ITGA5: variants seen among roughly 807,000 people sequenced by gnomAD.
ITGA5 encodes integrin subunit alpha 5.
Under a neutral mutation model 146.3 loss-of-function variants are expected in ITGA5, and 55 were observed. The ratio of observed to expected loss-of-function variants is 0.38; its 90% CI spans 0.30 to 0.47. The LOEUF (loss-of-function observed/expected upper bound fraction) is 0.47. Ranked by LOEUF, ITGA5 falls within the 20% of genes least tolerant of loss-of-function variation. ITGA5 has a pLI of 0.99. For synonymous variants in ITGA5, 500 were observed against 531.8 expected, an observed-to-expected ratio of 0.94 and a Z score of 0.82; for missense variants, 1,131 against 1,329.0, an observed-to-expected ratio of 0.85 and a Z score of 2.32.
At chr12:54,418,328 C>T in intron 1 of ITGA5, among the ~76,000 whole-genome samples, 1 of 151,920 alleles carries the variant, frequency 6.6e-6, no homozygotes, top group Non-Finnish European at 1.5e-5. Flanking sequence ...CTCGGATCCC[C>T]TCGCCTGAAC....
Position 54,403,452 on chromosome 12 carries a change from G to T in ITGA5, c.1777-128C>A. On this transcript the variant is annotated intron_variant, in intron 17 of 29. Coordinates refer to ENST00000293379, the MANE Select transcript of ITGA5 (RefSeq NM_002205.5). The surrounding 1 kb of genome is among the most constrained non-coding windows in gnomAD (Gnocchi z 4.9). ...TCCGACCATCCTCATTGTTTCAGAGGCCCTGGCAGCCTGCTTCCCAGCTCC... is the reference window on the plus strand; with the variant it reads ...TCCGACCATCCTCATTGTTTCAGAGTCCCTGGCAGCCTGCTTCCCAGCTCC... The T allele has an allele frequency of 7.7e-7, 1 of 1,293,482 alleles. No individual in the cohort carries two copies. Among genetic ancestry groups the T allele is most frequent in the Non-Finnish European group, 1.1e-6 (1 of 945,298 alleles). The allele number at this position is 1,293,482 out of a possible 1,614,324, so 80.1% of individuals were successfully genotyped here.
chr12:54,419,003 A>G lies in ITGA5; in HGVS notation c.196T>C (p.Phe66Leu), dbSNP rs559182263. Residue 66 changes from phenylalanine to leucine, a missense_variant, in exon 1 of 30, where the codon TTT becomes CTT. Coordinates refer to ENST00000293379, the MANE Select transcript of ITGA5 (RefSeq NM_002205.5). ...PGSFFGFSVE[F>L]YRPGTDGVSV... ...CACCCGTCTGTTCCCGGCCGGTAAA[A>G]CTCCACTGAGAATCCGAAGAAGGAG... 6.2e-7 allele frequency: 1 copy of G among 1,606,768 alleles called. No individual in the cohort carries two copies. The highest frequency in any genetic ancestry group is 1.4e-5 in the African/African-American group (1 of 74,062).
rs1192627710 is a variant in ITGA5, at chr12:54,408,156, C to A, written c.771G>T (p.Gln257His). Residue 257 changes from glutamine (Q) to histidine (H), a missense_variant, in exon 7 of 30, where the codon CAG becomes CAT. Physicochemically the swap from Gln to His is conservative, Grantham distance 24. This residue lies in a region of ITGA5 where 889 missense variants were observed against 1,021.5 expected (regional missense o/e 0.87). Transcript: ENST00000293379. ...TGGAACTGGCCTGGCGAGTCTGCAGCTGCCCCTGAACCAGGTTGATCAGGT... is the reference window on the plus strand; with the variant it reads ...TGGAACTGGCCTGGCGAGTCTGCAGATGCCCCTGAACCAGGTTGATCAGGT... ...PEYLINLVQG[Q>H]LQTRQASSIY... The A allele has an allele frequency of 1.9e-6, 3 of 1,614,162 alleles. No homozygotes were observed. The highest frequency in any genetic ancestry group is 2.5e-6 in the Non-Finnish European group (3 of 1,180,026).
chr12:54,397,441 A>T lies in ITGA5; in HGVS notation c.2990T>A (p.Val997Asp). The T allele has an allele frequency of 6.2e-7, 1 of 1,614,166 alleles. No individual in the cohort carries two copies. Among genetic ancestry groups the T allele is most frequent in the Non-Finnish European group, 8.5e-7 (1 of 1,180,018 alleles). The change falls in exon 29 of 30, where the codon GTC becomes GAC. Residue 997 changes from valine to aspartate, a missense_variant. By Grantham distance (152) the Val-to-Asp change is radical (BLOSUM62 -3). Around this residue, in one of 3 missense-constraint regions of ITGA5, gnomAD observed 889 missense variants for 1,021.5 expected, o/e 0.87. Coordinates refer to ENST00000293379, the MANE Select transcript of ITGA5 (RefSeq NM_002205.5). Reference sequence around the variant, plus strand: ...GGCTAGGATGATGATCCACAGTGGGACGCCATAGCTGCCTTCTGCCTTGGT... The same window carrying T: ...GGCTAGGATGATGATCCACAGTGGGTCGCCATAGCTGCCTTCTGCCTTGGT... ...QWTKAEGSYG[V>D]PLWIIILAIL... is the part of the protein sequence containing the mutation.
intron 2 of ITGA5, 108 bp downstream of exon 2, chr12:54,411,726 G>A (rs1274369279): frequency 9.6e-6 from 9 of 940,968 alleles, no homozygotes; most frequent in Non-Finnish European, 1.3e-5. Context: ...GAGAGGTCAC[G>A]TGGCCGGGGT....
At chr12:54,411,590 T>C (rs56321811) in intron 2 of ITGA5, among the ~76,000 whole-genome samples, 9,264 of 152,324 alleles carry the variant, frequency 0.061, 404 homozygotes, top group Middle Eastern at 0.19. Context: ...TTGTGGGTGA[T>C]TCAGGGGAAA....
chr12:54,406,993 C>A (rs994097895), intron 9 of ITGA5, among the ~76,000 whole-genome samples: 38 of 152,172 alleles, frequency 2.5e-4, no homozygotes, highest in African/African-American at 8.9e-4. Context: ...TGATCTTAAG[C>A]AACTTACTTG....
rs779009829 is a variant in ITGA5, at chr12:54,404,742, G to A, written c.1378C>T (p.Leu460Phe). Residue 460 changes from leucine to phenylalanine, a missense_variant, in exon 13 of 30, where the codon CTT becomes TTT. By Grantham distance (22) the Leu-to-Phe change is conservative. This residue lies in a region of ITGA5 where 889 missense variants were observed against 1,021.5 expected (regional missense o/e 0.87). Coordinates refer to ENST00000293379, the MANE Select transcript of ITGA5 (RefSeq NM_002205.5). Reference protein sequence around the residue: ...SHTPDFFGSALRGGRDLDGNG... With the variant: ...SHTPDFFGSAFRGGRDLDGNG... ...CCATCCAGGTCTCGGCCTCCTCGAAGGGCAGAGCCAAAGAAGTCTGGGGTG... is the reference window on the plus strand; with the variant it reads ...CCATCCAGGTCTCGGCCTCCTCGAAAGGCAGAGCCAAAGAAGTCTGGGGTG... 1.4e-5 allele frequency: 22 copies of A among 1,614,044 alleles called. No individual in the cohort carries two copies. The highest frequency in any genetic ancestry group is 1.8e-5 in the Non-Finnish European group (21 of 1,180,028).
chr12:54,396,024 G>A lies in ITGA5; in HGVS notation c.*269C>T. The A allele has an allele frequency of 2.5e-6, 1 of 400,998 alleles. No individual in the cohort carries two copies. The highest frequency in any genetic ancestry group is 3.5e-5 in the South Asian group (1 of 28,746). The allele number at this position is 400,998 out of a possible 1,614,324, so 24.8% of individuals were successfully genotyped here. On this transcript the variant is annotated 3_prime_UTR_variant, in exon 30 of 30. Transcript: ENST00000293379. Reference sequence around the variant, plus strand: ...AACTCTCCAAAATGCAAAGGCTTCAGGGAGGCTGGGGCCTCTGTCCCTGGA... The same window carrying A: ...AACTCTCCAAAATGCAAAGGCTTCAAGGAGGCTGGGGCCTCTGTCCCTGGA...
rs1298375744 is a variant in ITGA5 at position 54,416,705 on chromosome 12, C to T, written c.218+2276G>A. 2.6e-5 allele frequency among the ~76,000 whole-genome samples: 4 copies of T among 152,196 alleles called. No homozygotes were observed. The highest frequency in any genetic ancestry group is 2.1e-4 in the South Asian group (1 of 4,828). On this transcript the variant is annotated intron_variant, in intron 1 of 29. Transcript: ENST00000293379. The surrounding 1 kb of genome is among the most constrained non-coding windows in gnomAD (Gnocchi z 4.1). ...CCGTTAGTCAGGTGTCTGATTTTCA[C>T]GGGAAGACCAGGCTCCAAGAGCTTA...
Position 54,404,909 on chromosome 12 carries a change from A to G in ITGA5, c.1226-15T>C, listed in dbSNP as rs111248181. 22,598 of 1,543,092 alleles carry G rather than the reference A, an allele frequency of 0.015. 476 individuals carry two copies. Among genetic ancestry groups the G allele is most frequent in the South Asian group, 0.075 (6,004 of 79,548 alleles). On this transcript the variant is annotated splice_polypyrimidine_tract_variant and intron_variant, in intron 12 of 29. Transcript: ENST00000293379. ...GATGGCCACATCTGGAAGACACAGA[A>G]CACACACTAGTCAGCAGGCCAGGAA... is the stretch of plus-strand genomic sequence containing the variant.
Position 54,401,678 on chromosome 12 carries a change from G to A in ITGA5, c.2307-13C>T, listed in dbSNP as rs1425912646. 6.2e-7 allele frequency: 1 copy of A among 1,614,020 alleles called. No homozygotes were observed. The highest frequency in any genetic ancestry group is 2.2e-5 in the East Asian group (1 of 44,882). ...GTTGAGATTCTTGCTGTGGGATGGA[G>A]GCAAGACTGAGGTGCTGGAGTGCAG... On this transcript the variant is annotated splice_polypyrimidine_tract_variant and intron_variant, in intron 22 of 29. Coordinates refer to ENST00000293379, the MANE Select transcript of ITGA5 (RefSeq NM_002205.5). This position sits in a 1 kb window ranked among gnomAD's most constrained non-coding sequence, Gnocchi z 5.0.
chr12:54,414,613 G>A (rs1018247882), intron 1 of ITGA5, among the ~76,000 whole-genome samples: 1 of 151,908 alleles, frequency 6.6e-6, no homozygotes, highest in Non-Finnish European at 1.5e-5. Context: ...TTGGGAGGCC[G>A]AGACGGGCAG....
In ITGA5 at chr12:54,396,217, C is replaced by G. The variant is rs1955707536; in HGVS notation, c.*76G>C. The G allele has an allele frequency of 8.1e-7, 1 of 1,230,556 alleles. No homozygotes were observed. 76.2% of individuals were successfully genotyped at this position (1,230,556 alleles called of 1,614,324 possible). A position where few individuals can be genotyped will look rare whatever the true frequency, so the allele number is the denominator to read the frequency against. ...GGCCGTCAGCACCTTCAAGAAGTACCCAGACCCCTCCTTTTCAGTAGAATG... is the reference window on the plus strand; with the variant it reads ...GGCCGTCAGCACCTTCAAGAAGTACGCAGACCCCTCCTTTTCAGTAGAATG... On this transcript the variant is annotated 3_prime_UTR_variant, in exon 30 of 30. Transcript: ENST00000293379.
chr12:54,401,634 C>T lies in ITGA5; in HGVS notation c.2338G>A (p.Val780Ile). ...GCCTCCACGGAGAGCCGAAAGGAAA[C>T]CACGTCGCTTTGCGAGTTGTTGAGA... ...KNLNNSQSDVVSFRLSVEAQA... is the reference protein window; with the variant it reads ...KNLNNSQSDVISFRLSVEAQA... Residue 780 changes from valine to isoleucine, a missense_variant, in exon 23 of 30, where the codon GTT becomes ATT. Coordinates refer to ENST00000293379, the MANE Select transcript of ITGA5 (RefSeq NM_002205.5). This position sits in a 1 kb window ranked among gnomAD's most constrained non-coding sequence, Gnocchi z 5.0. 1 of 1,614,198 alleles carries T rather than the reference C, an allele frequency of 6.2e-7. No homozygotes were observed. The highest frequency in any genetic ancestry group is 1.3e-5 in the African/African-American group (1 of 75,048).
rs1955710296 is a variant in ITGA5, at chr12:54,396,369, A to C, written c.3074T>G (p.Phe1025Cys). Residue 1025 changes from phenylalanine to cysteine, a missense_variant, in exon 30 of 30, where the codon TTC becomes TGC. Around this residue, in one of 3 missense-constraint regions of ITGA5, gnomAD observed 889 missense variants for 1,021.5 expected, o/e 0.87. Transcript: ENST00000293379. The part of the protein sequence containing the change: ...LLIYILYKLG[F>C]FKRSLPYGTA... ...GCCATATGGGAGGGAGCGTTTGAAGAATCCAAGCTGATAAAGGGGAAAAGA... is the reference window on the plus strand; with the variant it reads ...GCCATATGGGAGGGAGCGTTTGAAGCATCCAAGCTGATAAAGGGGAAAAGA... The C allele has an allele frequency of 6.2e-7, 1 of 1,613,636 alleles. No homozygotes were observed. The highest frequency in any genetic ancestry group is 1.3e-5 in the African/African-American group (1 of 74,906).
At chr12:54,398,835 C>CTTT (rs34443272) in intron 27 of ITGA5, 137 bp from the exon 28 acceptor site, 243 of 220,182 alleles carry the variant, frequency 1.1e-3, no homozygotes, top group South Asian at 1.6e-3. Flanking sequence ...CTCTCTCTCT[C>CTTT]TTTTTTTTTT....
rs1955696663 is a variant in ITGA5, at chr12:54,395,529, T to A, written c.*764A>T. ...ATGGCCCCTTCAGGGTCCTGGGAAA[T>A]TCCTGGCTTCTCCTAAATCAGGGTG... On this transcript the variant is annotated 3_prime_UTR_variant, in exon 30 of 30. Transcript: ENST00000293379. 6.6e-6 allele frequency: 1 copy of A among 152,568 alleles called. No individual in the cohort carries two copies. Among genetic ancestry groups the A allele is most frequent in the Non-Finnish European group, 1.5e-5 (1 of 68,032 alleles). The allele number at this position is 152,568 out of a possible 1,614,324, so 9.5% of individuals were successfully genotyped here. A position where few individuals can be genotyped will look rare whatever the true frequency, so the allele number is the denominator to read the frequency against.
chr12:54,412,649 C>G (rs1407324206), intron 1 of ITGA5: 3 of 152,436 alleles, frequency 2.0e-5, no homozygotes, highest in Non-Finnish European at 4.4e-5. Context: ...CCACCCCCAG[C>G]TGACTGAATT....
Sources: allele counts gnomAD v4.1 joint callset (sites outside exome capture counted in the v4.1 genomes callset), GRCh38; gene constraint gnomAD v4.1.1; regional missense constraint gnomAD v4.1.1; non-coding constraint Gnocchi (gnomAD v3.1); transcripts MANE v1.5; gene names NCBI Gene and HGNC (gene_info 2026-07-23, HGNC 2026-07-21).